Variants in HERC4 observed in about 807,000 individuals in gnomAD.
HERC4 encodes probable E3 ubiquitin-protein ligase HERC4.
Under a neutral mutation model 124.3 loss-of-function variants are expected in HERC4, and 28 were observed. The ratio of observed to expected loss-of-function variants is 0.23; its 90% CI spans 0.17 to 0.31. HERC4 has a LOEUF of 0.31. Ranked by LOEUF, HERC4 falls within the 10% of genes least tolerant of loss-of-function variation. The pLI is 1.00. For missense variants in HERC4, 713 were observed against 1,229.3 expected, an observed-to-expected ratio of 0.58 and a Z score of 6.28; for synonymous variants, 407 against 421.5, an observed-to-expected ratio of 0.97 and a Z score of 0.42.
chr10:67,941,599 G>A (rs2032896628), intron 19 of HERC4, among the ~76,000 whole-genome samples: 1 of 147,034 alleles, frequency 6.8e-6, no homozygotes, highest in African/African-American at 2.5e-5. Context: ...TTAATACACC[G>A]TATTTAAGAT....
rs185449428 is a variant in HERC4 at position 67,990,913 on chromosome 10, T to C, written c.1434A>G (p.Ile478Met). The C allele has an allele frequency of 1.3e-6, 2 of 1,588,764 alleles. No individual in the cohort carries two copies. Among genetic ancestry groups the C allele is most frequent in the Non-Finnish European group, 1.7e-6 (2 of 1,163,880 alleles). ...TACTTTAAAAACAGACCTGCTGAGATATCTGCGGATGATCAGGTTGTATAA... is the reference window on the plus strand; with the variant it reads ...TACTTTAAAAACAGACCTGCTGAGACATCTGCGGATGATCAGGTTGTATAA... ...HKLIQPDHPQ[I>M]SQQVAASLEK... Residue 478 changes from isoleucine (I) to methionine (M), a missense_variant, in exon 13 of 25, where the codon ATA becomes ATG. By Grantham distance (10) the Ile-to-Met change is conservative. Coordinates refer to ENST00000373700, the MANE Select transcript of HERC4 (RefSeq NM_015601.4).
At chr10:68,016,639 C>T (rs538336914) in intron 8 of HERC4, among the ~76,000 whole-genome samples, 94 of 152,292 alleles carry the variant, frequency 6.2e-4, no homozygotes, top group African/African-American at 2.0e-3. Context: ...GCTTGAGCCA[C>T]TGCACCCGGC....
At chr10:67,930,015 AG>A (rs1481574664) in intron 23 of HERC4, among the ~76,000 whole-genome samples, 2 of 152,112 alleles carry the variant, frequency 1.3e-5, no homozygotes, top group Non-Finnish European at 2.9e-5. Flanking sequence ...CATGTTGGTC[AG>A]GGTGGTCTTG....
rs749410210 is a variant in HERC4, at chr10:67,966,625, T to G, written c.1926+58A>C. On this transcript the variant is annotated intron_variant, in intron 16 of 24. Coordinates refer to ENST00000373700, the MANE Select transcript of HERC4 (RefSeq NM_015601.4). ...CATTTCAAAACCAAGCAATTGTTTC[T>G]TTTTTTATTAGATACATATACATAA... 5.3e-6 allele frequency: 8 copies of G among 1,509,028 alleles called. No homozygotes were observed. In the South Asian group the frequency reaches 1.0e-4, roughly 19 times the overall value. The allele number at this position is 1,509,028 out of a possible 1,614,324, so 93.5% of individuals were successfully genotyped here.
At chr10:67,991,118 A>T (rs1471403568) in intron 12 of HERC4, 22 bp downstream of exon 12, 1 of 1,491,446 alleles carries the variant, frequency 6.7e-7, no homozygotes, top group African/African-American at 1.4e-5. Flanking sequence ...AAATTTCAGC[A>T]TATTAAAGAA....
At chr10:67,946,348 A>AACACACACACAC (rs58692888) in intron 19 of HERC4, among the ~76,000 whole-genome samples, 44 of 128,482 alleles carry the variant, frequency 3.4e-4, no homozygotes, top group East Asian at 7.1e-4. Flanking sequence ...ATAAAACACA[A>AACACACACACAC]ACACACACAC....
chr10:67,946,380 CA>C (rs2033346672), intron 19 of HERC4, among the ~76,000 whole-genome samples: 3 of 150,950 alleles, frequency 2.0e-5, no homozygotes, highest in African/African-American at 7.3e-5. Context: ...CACACACACA[CA>C]CACACACACA....
Position 68,059,588 on chromosome 10 carries a change from C to CATA in HERC4, c.226+13292_226+13294dup, listed in dbSNP as rs1422872478. On this transcript the variant is annotated intron_variant, in intron 3 of 24. Transcript: ENST00000373700. ...TAATATTATATATCATATTATATAT[C>CATA]ATATTATATATCATAATATTATATA... 4.6e-3 allele frequency among the ~76,000 whole-genome samples: 379 copies of CATA among 81,932 alleles called. 100 individuals are homozygous for CATA. In the East Asian group the frequency reaches 0.074, roughly 16 times the overall value. 53.8% of individuals were successfully genotyped at this position (81,932 alleles called of 152,430 possible). A position where few individuals can be genotyped will look rare whatever the true frequency, so the allele number is the denominator to read the frequency against.
chr10:67,941,106 C>A lies in HERC4; in HGVS notation c.2338-1G>T. On this transcript the variant is annotated splice_acceptor_variant, in intron 19 of 24. Coordinates refer to ENST00000373700, the MANE Select transcript of HERC4 (RefSeq NM_015601.4). LOFTEE classifies it high-confidence loss of function. ...GGAACAAATCACTGTCTTCAAATGT[C>A]TAAAAATATAAGAAAAAGTAAACAC... is the stretch of plus-strand genomic sequence containing the variant. 1 of 1,523,002 alleles carries A rather than the reference C, an allele frequency of 6.6e-7. No individual in the cohort carries two copies. The highest frequency in any genetic ancestry group is 8.8e-7 in the Non-Finnish European group (1 of 1,141,196). The allele number at this position is 1,523,002 out of a possible 1,614,324, so 94.3% of individuals were successfully genotyped here.
chr10:68,069,724 G>A, intron 3 of HERC4: 2 of 985,422 alleles, frequency 2.0e-6, no homozygotes, highest in Non-Finnish European at 2.4e-6. Context: ...TCCATTCCAT[G>A]TGCTTTCTGA....
chr10:67,923,563 T>A (rs2030489918), intron 24 of HERC4, among the ~76,000 whole-genome samples: 1 of 152,116 alleles, frequency 6.6e-6, no homozygotes, highest in East Asian at 1.9e-4. Context: ...AAAATTCAAA[T>A]CATTCTTTTT....
chr10:67,964,825 T>C (rs1378314369), intron 16 of HERC4: 1 of 151,802 alleles, frequency 6.6e-6, no homozygotes, highest in African/African-American at 2.4e-5. Flanking sequence ...CATGCTGGAG[T>C]GCAATGGTGC....
At chr10:68,057,726 A>G (rs780437790) in intron 3 of HERC4, among the ~76,000 whole-genome samples, 55 of 151,352 alleles carry the variant, frequency 3.6e-4, no homozygotes, top group Middle Eastern at 3.4e-3. Flanking sequence ...TTTTCTTTTA[A>G]GACAGAGTCT....
chr10:68,013,046 T>TAAA (rs2038061015), intron 9 of HERC4, among the ~76,000 whole-genome samples: 1 of 152,210 alleles, frequency 6.6e-6, no homozygotes, highest in African/African-American at 2.4e-5. Context: ...TTTACTGTGC[T>TAAA]TCTCAGATAC....
rs573757422 is a variant in HERC4 at position 67,977,719 on chromosome 10, C to T, written c.1807-10917G>A. Among the ~76,000 whole-genome samples the T allele has an allele frequency of 2.6e-5, 4 of 152,272 alleles. No homozygotes were observed. In the East Asian group the frequency reaches 7.7e-4, roughly 29 times the overall value. ...CTTAAGGACCAGGCATGGTGGCTCA[C>T]GCCTCTAATCCCAGCACTTTGGGAG... is the stretch of plus-strand genomic sequence containing the variant. On this transcript the variant is annotated intron_variant, in intron 15 of 24. Transcript: ENST00000373700.
At chr10:68,027,170 G>A (rs1412711364) in intron 7 of HERC4, among the ~76,000 whole-genome samples, 1 of 152,092 alleles carries the variant, frequency 6.6e-6, no homozygotes, top group Non-Finnish European at 1.5e-5. Context: ...TTTATATCCT[G>A]CTTTCATCAT....
chr10:67,992,616 G>C lies in HERC4; in HGVS notation c.1136C>G (p.Ser379Cys), dbSNP rs747235049. The change falls in exon 10 of 25, where the codon TCT becomes TGT. Residue 379 changes from serine to cysteine, a missense_variant. By Grantham distance (112) the Ser-to-Cys change is moderately radical. Coordinates refer to ENST00000373700, the MANE Select transcript of HERC4 (RefSeq NM_015601.4). ...TGACTATATTATTACCTGGGGACTA[G>C]AGTAATGTGAAAAGCTTTGATCTCC... is the stretch of plus-strand genomic sequence containing the variant. Reference protein sequence around the residue: ...SGGDQSFSHYSSPQNCGPPDD... With the variant: ...SGGDQSFSHYCSPQNCGPPDD... 3 of 1,513,312 alleles carry C rather than the reference G, an allele frequency of 2.0e-6. No individual in the cohort carries two copies. Among genetic ancestry groups the C allele is most frequent in the African/African-American group, 1.4e-5 (1 of 72,278 alleles). 93.7% of individuals were successfully genotyped at this position (1,513,312 alleles called of 1,614,324 possible).
chr10:68,013,091 C>T (rs1251866048), intron 9 of HERC4, among the ~76,000 whole-genome samples: 1 of 152,138 alleles, frequency 6.6e-6, no homozygotes, highest in Non-Finnish European at 1.5e-5. Context: ...TGGGGCAACC[C>T]TGCATAGAAC....
chr10:67,984,043 C>T (rs186762201), intron 15 of HERC4, among the ~76,000 whole-genome samples: 32 of 151,920 alleles, frequency 2.1e-4, no homozygotes, highest in Non-Finnish European at 1.0e-4. Context: ...GGCTCACGCC[C>T]GTAATCCCAA....
Sources: gnomAD v4.1 joint callset for allele counts (sites outside exome capture counted in the v4.1 genomes callset) on GRCh38, gnomAD v4.1.1 for gene constraint, MANE v1.5 for transcripts, NCBI Gene and HGNC (gene_info 2026-07-23, HGNC 2026-07-21) for gene names.